The following YAF2 variants were observed in gnomAD, a reference collection of about 807,000 sequenced individuals.
YAF2 encodes YY1-associated factor 2.
Under a neutral mutation model 20.1 loss-of-function variants are expected in YAF2, and 7 were observed. The ratio of observed to expected loss-of-function variants is 0.35; its 90% CI spans 0.20 to 0.65. YAF2 has a LOEUF of 0.65. Ranked by LOEUF, YAF2 falls within the 30% of genes least tolerant of loss-of-function variation. YAF2 has a pLI of 0.69. For missense variants in YAF2, 151 were observed against 219.2 expected (o/e 0.69, Z 1.96); for synonymous variants, 74 against 76.0 (o/e 0.97, Z 0.14).
Position 42,160,525 on chromosome 12 carries a change from T to C in YAF2, c.*64A>G. On this transcript the variant is annotated 3_prime_UTR_variant, in exon 4 of 4. Transcript: ENST00000534854. ...ATCTGTCATGAAAATGTGGTACCTC[T>C]TGGCATAATCTGTGTATTTGCATGG... The C allele has an allele frequency of 8.0e-7, 1 of 1,252,204 alleles. No homozygotes were observed. The highest frequency in any genetic ancestry group is 1.1e-6 in the Non-Finnish European group (1 of 874,822). The allele number at this position is 1,252,204 out of a possible 1,614,324, so 77.6% of individuals were successfully genotyped here.
Position 42,160,842 on chromosome 12 carries a change from T to G in YAF2, c.306-16A>C. Reference sequence around the variant, plus strand: ...CAATCTTGGCCTAAACATAAAAAAATGAAATTTTAAACTAGCTTTTCCCTC... The same window carrying G: ...CAATCTTGGCCTAAACATAAAAAAAGGAAATTTTAAACTAGCTTTTCCCTC... On this transcript the variant is annotated splice_polypyrimidine_tract_variant and intron_variant, in intron 3 of 3. Coordinates refer to ENST00000534854, the MANE Select transcript of YAF2 (RefSeq NM_005748.6). 1.3e-6 allele frequency: 2 copies of G among 1,580,064 alleles called. No individual in the cohort carries two copies. The highest frequency in any genetic ancestry group is 4.5e-5 in the East Asian group (2 of 44,550).
intron 2 of YAF2, among the ~76,000 whole-genome samples, chr12:42,187,348 T>C (rs76103158): frequency 0.024 from 3,670 of 152,202 alleles, 149 homozygotes; most frequent in African/African-American, 0.084. Flanking sequence ...TTTGTAGAGA[T>C]GGGGTTCTGT....
intron 2 of YAF2, among the ~76,000 whole-genome samples, chr12:42,202,446 C>T (rs1224702066): frequency 2.6e-5 from 4 of 152,156 alleles, no homozygotes; most frequent in Non-Finnish European, 2.9e-5. Context: ...AAGATGACCA[C>T]AATTCTCATC....
At chr12:42,227,653 G>C (rs1207534893) in intron 2 of YAF2, among the ~76,000 whole-genome samples, 2 of 148,408 alleles carry the variant, frequency 1.3e-5, no homozygotes, top group Non-Finnish European at 3.0e-5. Context: ...CAGCTGCCCC[G>C]TCTGAGAAGT....
chr12:42,233,877 A>G lies in YAF2; in HGVS notation c.152+3722T>C, dbSNP rs539829787. On this transcript the variant is annotated intron_variant, in intron 2 of 3. Coordinates refer to ENST00000534854, the MANE Select transcript of YAF2 (RefSeq NM_005748.6). ...TTTGGGACATTTCTTGCCTTATAAG[A>G]ATCTTCAGATAGGCTGGGCACAGTG... is the stretch of plus-strand genomic sequence containing the variant. The G allele has an allele frequency of 7.8e-5, 77 of 985,410 alleles. No homozygotes were observed. In the South Asian group the frequency reaches 3.0e-3, roughly 38 times the overall value. 61.0% of individuals were successfully genotyped at this position (985,410 alleles called of 1,614,324 possible).
chr12:42,184,746 T>C (rs2137064838), intron 2 of YAF2, among the ~76,000 whole-genome samples: 1 of 152,278 alleles, frequency 6.6e-6, no homozygotes. Flanking sequence ...TTAAGAACAT[T>C]TGTGACTCAG....
chr12:42,160,379 C>T lies in YAF2; in HGVS notation c.*210G>A. ...TCAACCACATTTTCATGGCACTTAA[C>T]TGCAGAGACCAAAATGTTAAGTCTG... On this transcript the variant is annotated 3_prime_UTR_variant, in exon 4 of 4. Transcript: ENST00000534854. The T allele has an allele frequency of 1.9e-6, 1 of 534,560 alleles. No homozygotes were observed. The highest frequency in any genetic ancestry group is 2.6e-5 in the South Asian group (1 of 39,176). 33.1% of individuals were successfully genotyped at this position (534,560 alleles called of 1,614,324 possible). A position where few individuals can be genotyped will look rare whatever the true frequency, so the allele number is the denominator to read the frequency against.
At chr12:42,236,193 A>G (rs991403621) in intron 2 of YAF2, among the ~76,000 whole-genome samples, 3 of 152,258 alleles carry the variant, frequency 2.0e-5, no homozygotes, top group Non-Finnish European at 4.4e-5. Context: ...AGCACAAAGT[A>G]CTAACACAGA....
At chr12:42,213,113 G>A (rs1003528976) in intron 2 of YAF2, among the ~76,000 whole-genome samples, 4 of 152,236 alleles carry the variant, frequency 2.6e-5, no homozygotes, top group Non-Finnish European at 5.9e-5. Flanking sequence ...GGAGTCCAAG[G>A]CGGGCCTTTC....
intron 2 of YAF2, among the ~76,000 whole-genome samples, chr12:42,219,891 C>G (rs2067465102): frequency 6.6e-6 from 1 of 152,202 alleles, no homozygotes; most frequent in African/African-American, 2.4e-5. Flanking sequence ...GTGGACCACA[C>G]TTTGATAGCA....
intron 2 of YAF2, among the ~76,000 whole-genome samples, chr12:42,211,669 C>T (rs187358096): frequency 1.3e-3 from 183 of 141,594 alleles, no homozygotes; most frequent in Non-Finnish European, 2.3e-3. Context: ...TGCTTGAACT[C>T]GGGAGGTGGA....
chr12:42,199,169 C>T, intron 2 of YAF2: 1 of 1,289,170 alleles, frequency 7.8e-7, no homozygotes, highest in Non-Finnish European at 1.0e-6. Flanking sequence ...ACCCAAATTT[C>T]TAGGCAGAGG....
chr12:42,188,844 G>A (rs1442925140), intron 2 of YAF2, among the ~76,000 whole-genome samples: 2 of 152,084 alleles, frequency 1.3e-5, no homozygotes, highest in African/African-American at 2.4e-5. Context: ...AAATGCAAGA[G>A]GAGACTAAAA....
intron 2 of YAF2, among the ~76,000 whole-genome samples, chr12:42,228,292 A>AG (rs1284388972): frequency 3.9e-5 from 1 of 25,788 alleles, no homozygotes; most frequent in African/African-American, 6.1e-4. Flanking sequence ...TCCGGGAGGG[A>AG]GGTGGGGGGG....
intron 2 of YAF2, among the ~76,000 whole-genome samples, chr12:42,222,352 T>C (rs2137311528): frequency 6.6e-6 from 1 of 152,314 alleles, no homozygotes; most frequent in South Asian, 2.1e-4. Flanking sequence ...AAAAAAACCT[T>C]TCATTCAACT....
intron 2 of YAF2, among the ~76,000 whole-genome samples, chr12:42,211,420 C>G (rs2137233888): frequency 1.0e-5 from 1 of 99,496 alleles, no homozygotes; most frequent in African/African-American, 4.3e-5. Flanking sequence ...GAGCGAGACT[C>G]TGTCTCCAAA....
chr12:42,202,112 C>G (rs555604870), intron 2 of YAF2, among the ~76,000 whole-genome samples: 3 of 152,098 alleles, frequency 2.0e-5, no homozygotes, highest in African/African-American at 7.2e-5. Flanking sequence ...TTTCCCCCCC[C>G]ATCTAGAAAA....
intron 2 of YAF2, among the ~76,000 whole-genome samples, chr12:42,236,782 AG>A (rs1335530281): frequency 6.6e-6 from 1 of 152,228 alleles, no homozygotes; most frequent in East Asian, 1.9e-4. Flanking sequence ...TTTAATTCAA[AG>A]GGTACCTTCG....
chr12:42,183,300 G>T (rs955766431), intron 2 of YAF2, among the ~76,000 whole-genome samples: 3 of 152,252 alleles, frequency 2.0e-5, no homozygotes, highest in Admixed American at 2.0e-4. Context: ...TCAGGTGCGA[G>T]GAAGAGGCAT....
Sources: allele counts gnomAD v4.1 joint callset (sites outside exome capture counted in the v4.1 genomes callset), GRCh38; gene constraint gnomAD v4.1.1; transcripts MANE v1.5; gene names NCBI Gene and HGNC (gene_info 2026-07-23, HGNC 2026-07-21).